Variants in ROBO2 observed in about 807,000 individuals in gnomAD.
ROBO2 encodes roundabout homolog 2.
Under a neutral mutation model 160.8 loss-of-function variants are expected in ROBO2, and 53 were observed. The ratio of observed to expected loss-of-function variants is 0.33; its 90% CI spans 0.26 to 0.41. The LOEUF (loss-of-function observed/expected upper bound fraction) is 0.41, where lower values mean the gene tolerates loss of function less well. Among genes scored for constraint, ROBO2 ranks in the 10% least tolerant of loss-of-function variants. The pLI, the probability that ROBO2 is intolerant of heterozygous loss-of-function variation, is 1.00. For synonymous variants in ROBO2, 664 were observed against 611.7 expected, an observed-to-expected ratio of 1.09 and a Z score of -1.26; for missense variants, 1,577 against 1,722.4, an observed-to-expected ratio of 0.92 and a Z score of 1.49.
chr3:76,805,489 C>A (rs908465266), intron 2 of ROBO2, among the ~76,000 whole-genome samples: 2 of 150,924 alleles, frequency 1.3e-5, no homozygotes, highest in South Asian at 4.2e-4. Flanking sequence ...TATGTTCCCC[C>A]CATATATATA....
intron 2 of ROBO2, among the ~76,000 whole-genome samples, chr3:76,649,062 A>T (rs969926124): frequency 2.7e-4 from 41 of 152,214 alleles, no homozygotes; most frequent in African/African-American, 7.9e-4. Flanking sequence ...CTTGATTTCA[A>T]ATCCAGTATA....
At chr3:77,579,475 T>G (rs1474628021) in intron 15 of ROBO2, among the ~76,000 whole-genome samples, 1 of 152,168 alleles carries the variant, frequency 6.6e-6, no homozygotes, top group Non-Finnish European at 1.5e-5. Context: ...TATAAATTAC[T>G]TAGATGTCTA....
intron 2 of ROBO2, among the ~76,000 whole-genome samples, chr3:76,795,954 T>A (rs2063663196): frequency 6.6e-6 from 1 of 152,126 alleles, no homozygotes; most frequent in African/African-American, 2.4e-5. Flanking sequence ...TGAAACAACA[T>A]TAATTTTTTT....
chr3:77,477,688 A>G, intron 3 of ROBO2, 117 bp downstream of exon 3: 4 of 1,067,570 alleles, frequency 3.7e-6, no homozygotes, highest in Non-Finnish European at 5.6e-6. Context: ...GTTAATTACA[A>G]TTTATACTGC....
At chr3:76,982,686 A>G (rs114820599) in intron 2 of ROBO2, among the ~76,000 whole-genome samples, 4,884 of 151,626 alleles carry the variant, frequency 0.032, 261 homozygotes, top group African/African-American at 0.11. Context: ...GTTGTATCTT[A>G]TTAATTTATA....
intron 2 of ROBO2, among the ~76,000 whole-genome samples, chr3:76,111,801 A>C (rs2070243651): frequency 1.4e-5 from 2 of 146,368 alleles, no homozygotes; most frequent in South Asian, 2.2e-4. Context: ...GAGGGCAGCG[A>C]CTCTCTCTCT....
chr3:76,104,984 A>G (rs915235223), intron 2 of ROBO2, among the ~76,000 whole-genome samples: 1 of 152,194 alleles, frequency 6.6e-6, no homozygotes, highest in African/African-American at 2.4e-5. Flanking sequence ...GAAGGAGACA[A>G]TGATGACTTT....
intron 2 of ROBO2, among the ~76,000 whole-genome samples, chr3:76,147,153 GAACA>G (rs2071942196): frequency 6.6e-6 from 1 of 151,382 alleles, no homozygotes; most frequent in South Asian, 2.1e-4. Flanking sequence ...AATTTCTTGA[GAACA>G]AAAATAAAAT....
chr3:76,618,550 A>C (rs1027901067), intron 2 of ROBO2, among the ~76,000 whole-genome samples: 4 of 151,372 alleles, frequency 2.6e-5, no homozygotes, highest in Non-Finnish European at 5.9e-5. Context: ...ATTTTTGACA[A>C]CTTTAAACAC....
chr3:76,581,512 C>A (rs1352999220), intron 2 of ROBO2, among the ~76,000 whole-genome samples: 2 of 152,040 alleles, frequency 1.3e-5, no homozygotes, highest in African/African-American at 4.8e-5. Flanking sequence ...GTAGCACATG[C>A]CTGTGATCCC....
chr3:77,119,038 C>T (rs754522836), intron 2 of ROBO2, among the ~76,000 whole-genome samples: 2 of 152,062 alleles, frequency 1.3e-5, no homozygotes, highest in African/African-American at 4.8e-5. Context: ...GTGTGCTGCT[C>T]TGATGAATGG....
chr3:77,087,681 CAT>C (rs1471544154), intron 1 of ROBO2, among the ~76,000 whole-genome samples: 9 of 151,736 alleles, frequency 5.9e-5, no homozygotes, highest in East Asian at 5.8e-4. Context: ...ATTATATATA[CAT>C]GTGTGTGTAT....
At chr3:77,158,785 T>C (rs1167607256) in intron 2 of ROBO2, among the ~76,000 whole-genome samples, 1 of 152,094 alleles carries the variant, frequency 6.6e-6, no homozygotes, top group Non-Finnish European at 1.5e-5. Context: ...CCACTTCTGA[T>C]ACTGCATGCA....
In ROBO2 at chr3:77,126,714, T is replaced by TATATATATATATATATATATATATATA. The variant is rs1560065744; in HGVS notation, c.388+28374_388+28375insATATATATATATATATATATATATATA. Among the ~76,000 whole-genome samples, 90 of 137,642 alleles carry TATATATATATATATATATATATATATA rather than the reference T, an allele frequency of 6.5e-4. 1 individual carries two copies. Among genetic ancestry groups the TATATATATATATATATATATATATATA allele is most frequent in the African/African-American group, 3.0e-3 (88 of 29,230 alleles). 90.3% of individuals were successfully genotyped at this position (137,642 alleles called of 152,430 possible). A position where few individuals can be genotyped will look rare whatever the true frequency, so the allele number is the denominator to read the frequency against. ...TATGGGTGGATATATATATATATAT[T>TATATATATATATATATATATATATATA]TTTTTTCCTTTGAAAGATGGTGAAG... On this transcript the variant is annotated intron_variant, in intron 2 of 25. Coordinates refer to ENST00000461745, the Ensembl canonical transcript of ROBO2.
chr3:77,580,555 A>G (rs2093890283), intron 16 of ROBO2, among the ~76,000 whole-genome samples: 1 of 152,166 alleles, frequency 6.6e-6, no homozygotes. Context: ...ACCATCCCAA[A>G]GAAGAAATCA....
intron 2 of ROBO2, among the ~76,000 whole-genome samples, chr3:77,136,584 C>T (rs2076295146): frequency 1.3e-5 from 2 of 148,202 alleles, no homozygotes; most frequent in African/African-American, 5.0e-5. Context: ...AAGTAATCCT[C>T]CAACCTCAGC....
chr3:76,856,256 C>A (rs146550119), intron 2 of ROBO2, among the ~76,000 whole-genome samples: 1 of 152,150 alleles, frequency 6.6e-6, no homozygotes, highest in African/African-American at 2.4e-5. Flanking sequence ...TTACAACCTG[C>A]CTTTAGATCG....
intron 2 of ROBO2, among the ~76,000 whole-genome samples, chr3:76,966,017 G>T (rs1238739327): frequency 6.7e-6 from 1 of 150,000 alleles, no homozygotes; most frequent in Non-Finnish European, 1.5e-5. Flanking sequence ...CCGCCTTCTG[G>T]GTTCAAGTGC....
At chr3:76,474,313 T>C (rs540887208) in intron 2 of ROBO2, among the ~76,000 whole-genome samples, 1 of 152,296 alleles carries the variant, frequency 6.6e-6, no homozygotes, top group East Asian at 1.9e-4. Context: ...CTTAGTTAAA[T>C]GATACATTAT....
Sources: allele counts gnomAD v4.1 joint callset (sites outside exome capture counted in the v4.1 genomes callset), GRCh38; gene constraint gnomAD v4.1.1; transcripts MANE v1.5; gene names NCBI Gene and HGNC (gene_info 2026-07-23, HGNC 2026-07-21).